Variants in KRTAP4-4 observed in about 807,000 individuals in gnomAD.
The protein encoded by KRTAP4-4 is keratin-associated protein 4-4.
For missense variants in KRTAP4-4, 186 were observed against 206.9 expected (o/e 0.90, Z 0.62); for synonymous variants, 88 against 76.4 (o/e 1.15, Z -0.79).
At position 41,160,144 on chromosome 17, in the gene KRTAP4-4, G is replaced by T; in HGVS notation, c.*47C>A. On this transcript the variant is annotated 3_prime_UTR_variant, in exon 1 of 1. Transcript: ENST00000390661. ...GCAGCAGCTGGAAATGCAATAGCTG[G>T]GGTGGCAGCAGGTGGTCCTGTAGCA... 6.2e-7 allele frequency: 1 copy of T among 1,602,868 alleles called. No individual in the cohort carries two copies.
At position 41,160,573 on chromosome 17, in the gene KRTAP4-4, C is replaced by G; in HGVS notation, c.119G>C (p.Cys40Ser). 1 of 1,612,492 alleles carries G rather than the reference C, an allele frequency of 6.2e-7. No homozygotes were observed. Among genetic ancestry groups the G allele is most frequent in the East Asian group, 2.2e-5 (1 of 44,792 alleles). The change falls in exon 1 of 1, where the codon TGC becomes TCC. Residue 40 changes from cysteine (C) to serine (S), a missense_variant. Transcript: ENST00000390661. ...GGGTCTGCAGCAGCTGGACACACAG[C>G]AGCTGGGGCGGCAGCAGGTGGTCCT... ...CCRTTCCRPS[C>S]CVSSCCRPQC...
In KRTAP4-4 at chr17:41,160,567, A is replaced by ACGCAGCAGCTGGACC. The variant is rs748151922; in HGVS notation, c.124_125insGGTCCAGCTGCTGCG (p.Cys41_Val42insGlySerSerCysCys). On this transcript the variant is annotated inframe_insertion, in exon 1 of 1. Coordinates refer to ENST00000390661, the MANE Select transcript of KRTAP4-4 (RefSeq NM_032524.2). ...GCACTGGGGTCTGCAGCAGCTGGAC[A>ACGCAGCAGCTGGACC]CACAGCAGCTGGGGCGGCAGCAGGT... The ACGCAGCAGCTGGACC allele has an allele frequency of 6.2e-7, 1 of 1,612,758 alleles. No homozygotes were observed. Among genetic ancestry groups the ACGCAGCAGCTGGACC allele is most frequent in the East Asian group, 2.2e-5 (1 of 44,824 alleles).
At position 41,160,605 on chromosome 17, in the gene KRTAP4-4, G is replaced by A; in HGVS notation, c.87C>T (p.Thr29=). ...NCCRPSYCQT[T]CCRTTCCRPS... ...GGCGGCAGCAGGTGGTCCTGCAGCA[G>A]GTGGTCTGGCAGTAGCTGGGACGGC... The change falls in exon 1 of 1, where the codon ACC becomes ACT. Residue 29 remains threonine (T), a synonymous_variant. Coordinates refer to ENST00000390661, the MANE Select transcript of KRTAP4-4 (RefSeq NM_032524.2). 14 of 1,601,168 alleles carry A rather than the reference G, an allele frequency of 8.7e-6. No homozygotes were observed. The highest frequency in any genetic ancestry group is 1.1e-5 in the South Asian group (1 of 91,080).
rs914095122 is a variant in KRTAP4-4, at chr17:41,159,997, C to T, written c.*194G>A. 15 of 898,124 alleles carry T rather than the reference C, an allele frequency of 1.7e-5. No homozygotes were observed. Among genetic ancestry groups the T allele is most frequent in the South Asian group, 3.3e-5 (2 of 59,856 alleles). The allele number at this position is 898,124 out of a possible 1,614,324, so 55.6% of individuals were successfully genotyped here. A position where few individuals can be genotyped will look rare whatever the true frequency, so the allele number is the denominator to read the frequency against. On this transcript the variant is annotated 3_prime_UTR_variant, in exon 1 of 1. Transcript: ENST00000390661. Reference sequence around the variant, plus strand: ...GCAAGAAGCACTAGAGCAGGTTGGGCGGCAGCACATGGTCTGGCAGCAGTT... The same window carrying T: ...GCAAGAAGCACTAGAGCAGGTTGGGTGGCAGCACATGGTCTGGCAGCAGTT...
chr17:41,160,658 C>G lies in KRTAP4-4; in HGVS notation c.34G>C (p.Asp12His). 1 of 1,612,964 alleles carries G rather than the reference C, an allele frequency of 6.2e-7. No individual in the cohort carries two copies. The highest frequency in any genetic ancestry group is 8.5e-7 in the Non-Finnish European group (1 of 1,179,288). The change falls in exon 1 of 1, where the codon GAC (aspartate) becomes CAC (histidine). Residue 12 changes from aspartate (D) to histidine (H), a missense_variant. Transcript: ENST00000390661. ...CAGTTCTCTAGGCCACAGCCCTGGT[C>G]AGAGCACACAGAGCCACAACAGGAG... ...VNSCCGSVCS[D>H]QGCGLENCCR...
chr17:41,160,358 G>A lies in KRTAP4-4; in HGVS notation c.334C>T (p.Gln112Ter), dbSNP rs2014952288. The change falls in exon 1 of 1, where the codon CAG (glutamine) becomes TAG (stop). Residue 112 changes from glutamine to a stop codon, truncating the protein, a stop_gained. Coordinates refer to ENST00000390661, the MANE Select transcript of KRTAP4-4 (RefSeq NM_032524.2). LOFTEE classifies it low-confidence loss of function (END_TRUNC). ...RPSCCRPQCC[Q>*]SVCCQPTCCC... is the part of the protein sequence containing the mutation. Reference sequence around the variant, plus strand: ...CAGGTGGGCTGGCAGCACACAGACTGGCAGCACTGGGGCCTGCAGCAGCTG... The same window carrying A: ...CAGGTGGGCTGGCAGCACACAGACTAGCAGCACTGGGGCCTGCAGCAGCTG... The A allele has an allele frequency of 6.2e-7, 1 of 1,611,020 alleles. No individual in the cohort carries two copies.
rs778592614 is a variant in KRTAP4-4 at position 41,160,622 on chromosome 17, T to C, written c.70A>G (p.Ser24Gly). 5.4e-5 allele frequency: 87 copies of C among 1,613,732 alleles called. 1 individual carries two copies. Among genetic ancestry groups the C allele is most frequent in the South Asian group, 3.3e-4 (30 of 91,062 alleles). Residue 24 changes from serine (S) to glycine (G), a missense_variant, in exon 1 of 1, where the codon AGC (serine) becomes GGC (glycine). By Grantham distance (56) the Ser-to-Gly change is moderately conservative (BLOSUM62 0). Transcript: ENST00000390661. ...GCGLENCCRPSYCQTTCCRTT... is the reference protein window; with the variant it reads ...GCGLENCCRPGYCQTTCCRTT... Reference sequence around the variant, plus strand: ...CTGCAGCAGGTGGTCTGGCAGTAGCTGGGACGGCAGCAGTTCTCTAGGCCA... The same window carrying C: ...CTGCAGCAGGTGGTCTGGCAGTAGCCGGGACGGCAGCAGTTCTCTAGGCCA...
At position 41,160,476 on chromosome 17, in the gene KRTAP4-4, T is replaced by C. The variant is rs1436768695; in HGVS notation, c.216A>G (p.Arg72=). ...AGCACACAGACTGGCAGCACTGGGG[T>C]CTGCAGCAGCTGGACACACAGCAGC... The part of the protein sequence containing the change: ...HPSCCVSSCC[R]PQCCQSVCCQ... Residue 72 remains arginine (R), a synonymous_variant, in exon 1 of 1, where the codon AGA becomes AGG. Coordinates refer to ENST00000390661, the MANE Select transcript of KRTAP4-4 (RefSeq NM_032524.2). 3.2e-6 allele frequency: 5 copies of C among 1,560,576 alleles called. No homozygotes were observed. The highest frequency in any genetic ancestry group is 4.7e-5 in the East Asian group (2 of 42,306).
chr17:41,160,506 G>C lies in KRTAP4-4; in HGVS notation c.186C>G (p.His62Gln). 6.2e-7 allele frequency: 1 copy of C among 1,612,498 alleles called. No homozygotes were observed. The highest frequency in any genetic ancestry group is 1.3e-5 in the African/African-American group (1 of 74,372). Residue 62 changes from histidine to glutamine, a missense_variant, in exon 1 of 1, where the codon CAC becomes CAG. Transcript: ENST00000390661. ...QTTCCRTTCCHPSCCVSSCCR... is the reference protein window; with the variant it reads ...QTTCCRTTCCQPSCCVSSCCR... ...AGCAGCTGGACACACAGCAGCTGGG[G>C]TGGCAGCAGGTGGTCCTGCAGCAGG...
rs951101209 is a variant in KRTAP4-4 at position 41,160,220 on chromosome 17, G to A, written c.472C>T (p.Pro158Ser). The A allele has an allele frequency of 1.2e-6, 2 of 1,613,634 alleles. No individual in the cohort carries two copies. Among genetic ancestry groups the A allele is most frequent in the Non-Finnish European group, 1.7e-6 (2 of 1,179,900 alleles). Reference sequence around the variant, plus strand: ...CAGCATAGAGACTGGCCACAATGGGGCCTGTAGCACCTGGACACACAGCAG... The same window carrying A: ...CAGCATAGAGACTGGCCACAATGGGACCTGTAGCACCTGGACACACAGCAG... Reference protein sequence around the residue: ...PSCCVSRCYRPHCGQSLCC With the variant: ...PSCCVSRCYRSHCGQSLCC The change falls in exon 1 of 1, where the codon CCC (proline) becomes TCC (serine). Residue 158 changes from proline to serine, a missense_variant. Coordinates refer to ENST00000390661, the MANE Select transcript of KRTAP4-4 (RefSeq NM_032524.2).
In KRTAP4-4 at chr17:41,160,293, G is replaced by C; in HGVS notation, c.399C>G (p.Pro133=). 6.2e-7 allele frequency: 1 copy of C among 1,613,188 alleles called. No homozygotes were observed. Among genetic ancestry groups the C allele is most frequent in the Non-Finnish European group, 8.5e-7 (1 of 1,179,674 alleles). ...TGCAGCAGGTGGTCTGGCAGCACTG[G>C]GGTCTGCAGCAGCTGGACACACAGT... ...PSYCVSSCCR[P]QCCQTTCCRT... Residue 133 remains proline (P), a synonymous_variant, in exon 1 of 1, where the codon CCC becomes CCG. Coordinates refer to ENST00000390661, the MANE Select transcript of KRTAP4-4 (RefSeq NM_032524.2).
At position 41,160,736 on chromosome 17, in the gene KRTAP4-4, G is replaced by A; in HGVS notation, c.-45C>T. ...TCTGGGTGGGTTTCCAGGAAGGAGGGTTTGGAAGGCTTGGAAGTCTCCTTG... is the reference window on the plus strand; with the variant it reads ...TCTGGGTGGGTTTCCAGGAAGGAGGATTTGGAAGGCTTGGAAGTCTCCTTG... On this transcript the variant is annotated 5_prime_UTR_variant, in exon 1 of 1. Transcript: ENST00000390661. 1 of 1,578,562 alleles carries A rather than the reference G, an allele frequency of 6.3e-7. No homozygotes were observed. Among genetic ancestry groups the A allele is most frequent in the Admixed American group, 1.7e-5 (1 of 57,992 alleles).
Position 41,159,981 on chromosome 17 carries a change from A to T in KRTAP4-4, c.*210T>A. 1 of 763,648 alleles carries T rather than the reference A, an allele frequency of 1.3e-6. No individual in the cohort carries two copies. The highest frequency in any genetic ancestry group is 1.8e-5 in the South Asian group (1 of 55,972). 47.3% of individuals were successfully genotyped at this position (763,648 alleles called of 1,614,324 possible). Reference sequence around the variant, plus strand: ...GATGACAGCCTCAGCAGCAAGAAGCACTAGAGCAGGTTGGGCGGCAGCACA... The same window carrying T: ...GATGACAGCCTCAGCAGCAAGAAGCTCTAGAGCAGGTTGGGCGGCAGCACA... On this transcript the variant is annotated 3_prime_UTR_variant, in exon 1 of 1. Transcript: ENST00000390661.
chr17:41,160,108 C>T lies in KRTAP4-4; in HGVS notation c.*83G>A. The T allele has an allele frequency of 6.3e-7, 1 of 1,577,520 alleles. No individual in the cohort carries two copies. The highest frequency in any genetic ancestry group is 1.2e-5 in the South Asian group (1 of 83,198). ...GGAGCTACTGCTGCTAGAGATACTGCAGGAAGGCTGGCAGCAGCTGGAAAT... is the reference window on the plus strand; with the variant it reads ...GGAGCTACTGCTGCTAGAGATACTGTAGGAAGGCTGGCAGCAGCTGGAAAT... On this transcript the variant is annotated 3_prime_UTR_variant, in exon 1 of 1. Coordinates refer to ENST00000390661, the MANE Select transcript of KRTAP4-4 (RefSeq NM_032524.2).
chr17:41,160,160 T>C lies in KRTAP4-4; in HGVS notation c.*31A>G, dbSNP rs1396143450. 9 of 1,608,076 alleles carry C rather than the reference T, an allele frequency of 5.6e-6. No individual in the cohort carries two copies. The highest frequency in any genetic ancestry group is 5.9e-6 in the Non-Finnish European group (7 of 1,176,656). The stretch of plus-strand genomic sequence containing the variant: ...CAATAGCTGGGGTGGCAGCAGGTGG[T>C]CCTGTAGCAGGTGGTTTGCCAGCAG... On this transcript the variant is annotated 3_prime_UTR_variant, in exon 1 of 1. Transcript: ENST00000390661.
In KRTAP4-4 at chr17:41,160,336, G is replaced by T. The variant is rs747548866; in HGVS notation, c.356C>A (p.Thr119Asn). ...CACACAGTAGCTGGGGCAGCAGCAGGTGGGCTGGCAGCACACAGACTGGCA... is the reference window on the plus strand; with the variant it reads ...CACACAGTAGCTGGGGCAGCAGCAGTTGGGCTGGCAGCACACAGACTGGCA... Reference protein sequence around the residue: ...QCCQSVCCQPTCCCPSYCVSS... With the variant: ...QCCQSVCCQPNCCCPSYCVSS... The change falls in exon 1 of 1, where the codon ACC becomes AAC. Residue 119 changes from threonine to asparagine, a missense_variant. Transcript: ENST00000390661. 14 of 1,610,664 alleles carry T rather than the reference G, an allele frequency of 8.7e-6. No homozygotes were observed. Among genetic ancestry groups the T allele is most frequent in the Non-Finnish European group, 1.2e-5 (14 of 1,179,236 alleles).
chr17:41,160,653 C>G lies in KRTAP4-4; in HGVS notation c.39G>C (p.Gln13His). 1 of 1,613,586 alleles carries G rather than the reference C, an allele frequency of 6.2e-7. No individual in the cohort carries two copies. The highest frequency in any genetic ancestry group is 8.5e-7 in the Non-Finnish European group (1 of 1,179,722). ...GGCAGCAGTTCTCTAGGCCACAGCC[C>G]TGGTCAGAGCACACAGAGCCACAAC... is the stretch of plus-strand genomic sequence containing the variant. Reference protein sequence around the residue: ...NSCCGSVCSDQGCGLENCCRP... With the variant: ...NSCCGSVCSDHGCGLENCCRP... The change falls in exon 1 of 1, where the codon CAG becomes CAC. Residue 13 changes from glutamine (Q) to histidine (H), a missense_variant. By Grantham distance (24) the Gln-to-His change is conservative. Transcript: ENST00000390661.
Position 41,160,377 on chromosome 17 carries a change from G to C in KRTAP4-4, c.315C>G (p.Cys105Trp), listed in dbSNP as rs750320795. 2.5e-6 allele frequency: 4 copies of C among 1,611,840 alleles called. No individual in the cohort carries two copies. The South Asian group carries it at 4.4e-5, about 18-fold the overall frequency. ...CCRTTCCRPSCCRPQCCQSVC... is the reference protein window; with the variant it reads ...CCRTTCCRPSWCRPQCCQSVC... The stretch of plus-strand genomic sequence containing the variant: ...CAGACTGGCAGCACTGGGGCCTGCA[G>C]CAGCTGGGGCGGCAGCAGGTGGTCC... Residue 105 changes from cysteine (C) to tryptophan (W), a missense_variant, in exon 1 of 1, where the codon TGC becomes TGG. Physicochemically the swap from Cys to Trp is radical, Grantham distance 215. Coordinates refer to ENST00000390661, the MANE Select transcript of KRTAP4-4 (RefSeq NM_032524.2).
chr17:41,160,670 A>G lies in KRTAP4-4; in HGVS notation c.22T>C (p.Ser8Pro), dbSNP rs964942030. Reference protein sequence around the residue: MVNSCCGSVCSDQGCGLE... With the variant: MVNSCCGPVCSDQGCGLE... ...CCACAGCCCTGGTCAGAGCACACAG[A>G]GCCACAACAGGAGTTGACCATGGTG... The change falls in exon 1 of 1, where the codon TCT (serine) becomes CCT (proline). Residue 8 changes from serine (S) to proline (P), a missense_variant. Coordinates refer to ENST00000390661, the MANE Select transcript of KRTAP4-4 (RefSeq NM_032524.2). 2.5e-6 allele frequency: 4 copies of G among 1,612,170 alleles called. No homozygotes were observed. Among genetic ancestry groups the G allele is most frequent in the Non-Finnish European group, 3.4e-6 (4 of 1,178,784 alleles).
Sources: gnomAD v4.1 joint callset for allele counts on GRCh38, gnomAD v4.1.1 for gene constraint, MANE v1.5 for transcripts, NCBI Gene and HGNC (gene_info 2026-07-23, HGNC 2026-07-21) for gene names.